The following RPS6KA6 variants were observed in gnomAD, a reference collection of about 807,000 sequenced individuals.
RPS6KA6 encodes ribosomal protein S6 kinase A6, also known as ribosomal protein S6 kinase alpha-6.
A neutral mutation model predicts 65.4 loss-of-function variants in RPS6KA6; 27 were observed. The observed-to-expected ratio is 0.41, with a 90% CI of 0.30 to 0.57. The LOEUF (loss-of-function observed/expected upper bound fraction) is 0.57. Ranked by LOEUF, RPS6KA6 falls within the 20% of genes least tolerant of loss-of-function variation. The pLI, the probability that RPS6KA6 is intolerant of heterozygous loss-of-function variation, is 0.24. For synonymous variants in RPS6KA6, 190 were observed against 184.2 expected (o/e 1.03, Z -0.26); for missense variants, 486 against 555.6 (o/e 0.87, Z 1.26).
intron 20 of RPS6KA6, among the ~76,000 whole-genome samples, chrX:84,070,021 AACCAGAAAT>A (rs2033501598): frequency 8.9e-6 from 1 of 112,020 alleles, no homozygotes; most frequent in African/African-American, 3.3e-5. Flanking sequence ...AAGGATCTAG[AACCAGAAAT>A]ACCATTTGAC....
chrX:84,156,060 A>T lies in RPS6KA6; in HGVS notation c.258+15T>A. The stretch of plus-strand genomic sequence containing the variant: ...TTTAGAAGAGGAACAAATGGGGAAA[A>T]AAATTATTCATTACCTTTCCAAATG... On this transcript the variant is annotated intron_variant, in intron 3 of 21. Coordinates refer to ENST00000262752, the MANE Select transcript of RPS6KA6 (RefSeq NM_014496.5). 1 of 1,028,351 alleles carries T rather than the reference A, an allele frequency of 9.7e-7. No homozygotes were observed. 84.7% of individuals were successfully genotyped at this position (1,028,351 alleles called of 1,213,427 possible).
intron 8 of RPS6KA6, among the ~76,000 whole-genome samples, chrX:84,124,277 G>A (rs984254194): frequency 9.0e-5 from 10 of 111,166 alleles, no homozygotes; most frequent in Non-Finnish European, 1.9e-4. Flanking sequence ...AGACCATCCA[G>A]GAAAACATGA....
intron 2 of RPS6KA6, among the ~76,000 whole-genome samples, chrX:84,157,276 C>T (rs751946778): frequency 1.8e-5 from 2 of 111,197 alleles, no homozygotes; most frequent in South Asian, 3.8e-4. Flanking sequence ...TAGGAACTAC[C>T]AGCAAATCAA....
chrX:84,183,801 AACCACCACCACCCCCACCACC>A (rs2035891408), intron 1 of RPS6KA6, among the ~76,000 whole-genome samples: 1 of 110,161 alleles, frequency 9.1e-6, no homozygotes, highest in Non-Finnish European at 1.9e-5. Flanking sequence ...TCCATTCCTA[AACCACCACCACCCCCACCACC>A]ACCACCACCA....
intron 1 of RPS6KA6, among the ~76,000 whole-genome samples, chrX:84,186,447 A>G (rs966318338): frequency 1.8e-5 from 2 of 111,931 alleles, no homozygotes; most frequent in Non-Finnish European, 3.8e-5. Flanking sequence ...AGGAACGCCT[A>G]TTCATTTATC....
intron 20 of RPS6KA6, among the ~76,000 whole-genome samples, chrX:84,081,831 C>T (rs1451237537): frequency 2.7e-5 from 3 of 112,067 alleles, no homozygotes; most frequent in African/African-American, 6.5e-5. Flanking sequence ...ATAAACAGAA[C>T]CAATGACAAA....
chrX:84,097,157 T>C (rs1384944528), intron 19 of RPS6KA6, among the ~76,000 whole-genome samples: 1 of 111,497 alleles, frequency 9.0e-6, no homozygotes, highest in Non-Finnish European at 1.9e-5. Flanking sequence ...ATCACAACCC[T>C]CTTGGAATAA....
intron 20 of RPS6KA6, among the ~76,000 whole-genome samples, chrX:84,095,773 C>A (rs1399255007): frequency 8.9e-6 from 1 of 111,773 alleles, no homozygotes; most frequent in Non-Finnish European, 1.9e-5. Flanking sequence ...CCAGGTGCCA[C>A]AGATACATAG....
chrX:84,127,598 C>T (rs1394015709), intron 8 of RPS6KA6, among the ~76,000 whole-genome samples: 1 of 110,746 alleles, frequency 9.0e-6, no homozygotes, highest in Non-Finnish European at 1.9e-5. Context: ...TTCAATAATA[C>T]ATTAAAAAGA....
chrX:84,084,482 CTTGT>C (rs997923212), intron 20 of RPS6KA6, among the ~76,000 whole-genome samples: 5 of 111,962 alleles, frequency 4.5e-5, no homozygotes, highest in Admixed American at 1.9e-4. Context: ...TTCCCCATTG[CTTGT>C]TTTTCTCAGG....
chrX:84,102,489 C>T (rs2034278167), intron 17 of RPS6KA6, among the ~76,000 whole-genome samples: 1 of 110,147 alleles, frequency 9.1e-6, no homozygotes, highest in Admixed American at 9.7e-5. Context: ...TTGGACATGC[C>T]ATAATTTATA....
At chrX:84,071,446 A>G (rs889492459) in intron 20 of RPS6KA6, among the ~76,000 whole-genome samples, 3 of 111,190 alleles carry the variant, frequency 2.7e-5, no homozygotes, top group Non-Finnish European at 3.8e-5. Context: ...TAGACTAAAC[A>G]CTAGTCTGGT....
chrX:84,155,716 A>C (rs1248713554), intron 3 of RPS6KA6, among the ~76,000 whole-genome samples: 1 of 112,462 alleles, frequency 8.9e-6, no homozygotes, highest in East Asian at 2.8e-4. Flanking sequence ...ATGTAGATTA[A>C]ATCACCAGGA....
At chrX:84,143,888 T>C (rs189125998) in intron 6 of RPS6KA6, among the ~76,000 whole-genome samples, 2 of 111,347 alleles carry the variant, frequency 1.8e-5, no homozygotes, top group African/African-American at 3.2e-5. Context: ...TTCATATATA[T>C]GATCAACTGG....
rs2035951365 is a variant in RPS6KA6 at position 84,188,014 on chromosome X, C to G, written c.-115G>C. 51 of 455,018 alleles carry G rather than the reference C, an allele frequency of 1.1e-4. No individual in the cohort carries two copies. Among genetic ancestry groups the G allele is most frequent in the East Asian group, 4.1e-4 (4 of 9,643 alleles). The allele number at this position is 455,018 out of a possible 1,213,427, so 37.5% of individuals were successfully genotyped here. On this transcript the variant is annotated 5_prime_UTR_variant, in exon 1 of 22. Transcript: ENST00000262752. Reference sequence around the variant, plus strand: ...CGCCGCCGCCGCCGCCGCCGCGACCCCCAGCCCCGCCTTCAGCGAGCGCTG... The same window carrying G: ...CGCCGCCGCCGCCGCCGCCGCGACCGCCAGCCCCGCCTTCAGCGAGCGCTG...
At chrX:84,128,080 TC>T (rs1470698726) in intron 8 of RPS6KA6, among the ~76,000 whole-genome samples, 4 of 111,107 alleles carry the variant, frequency 3.6e-5, no homozygotes, top group Non-Finnish European at 7.6e-5. Flanking sequence ...ACCTAAAGAC[TC>T]CTCCAAGAAA....
chrX:84,183,740 A>G (rs2035890682), intron 1 of RPS6KA6, among the ~76,000 whole-genome samples: 1 of 110,882 alleles, frequency 9.0e-6, no homozygotes, highest in South Asian at 3.8e-4. Flanking sequence ...AAATATTATC[A>G]CTTTCTAATG....
chrX:84,103,673 T>A (rs1181327967), intron 17 of RPS6KA6, among the ~76,000 whole-genome samples: 1 of 111,177 alleles, frequency 9.0e-6, no homozygotes, highest in African/African-American at 3.3e-5. Flanking sequence ...CTCTTCATGC[T>A]TTATTTTAGA....
chrX:84,128,543 G>C (rs1403339829), intron 8 of RPS6KA6, among the ~76,000 whole-genome samples: 1 of 111,463 alleles, frequency 9.0e-6, no homozygotes, highest in Non-Finnish European at 1.9e-5. Context: ...ACCCAGTATA[G>C]ATAAAGCTAC....
Sources: gnomAD v4.1 joint callset for allele counts (sites outside exome capture counted in the v4.1 genomes callset) on GRCh38, gnomAD v4.1.1 for gene constraint, MANE v1.5 for transcripts, NCBI Gene and HGNC (gene_info 2026-07-23, HGNC 2026-07-21) for gene names.